Variants in LNX1 observed in about 807,000 individuals in gnomAD.
LNX1 encodes E3 ubiquitin-protein ligase LNX.
LNX1 carries 54 observed loss-of-function variants against 68.4 expected under a neutral mutation model. That is an observed-to-expected ratio of 0.79 (90% confidence interval 0.63 to 0.99). The LOEUF (loss-of-function observed/expected upper bound fraction) is 0.99. Among genes scored for constraint, LNX1 ranks in the 50% least tolerant of loss-of-function variants. The pLI is 0.00. For synonymous variants in LNX1, 336 were observed against 350.0 expected (o/e 0.96, Z 0.45); for missense variants, 906 against 926.4 (o/e 0.98, Z 0.29).
intron 9 of LNX1, among the ~76,000 whole-genome samples, chr4:53,467,268 G>A (rs1277928030): frequency 6.6e-6 from 1 of 152,176 alleles, no homozygotes; most frequent in African/African-American, 2.4e-5. Context: ...CAACAGACCT[G>A]CAGCTGAGGG....
chr4:53,574,142 G>C (rs1731342332), intron 1 of LNX1, 54 bp from the exon 2 acceptor site: 11 of 1,289,092 alleles, frequency 8.5e-6, no homozygotes, highest in Non-Finnish European at 8.3e-6. Context: ...AAAGGCTTAT[G>C]CTTATGGTAG....
intron 1 of LNX1, among the ~76,000 whole-genome samples, chr4:53,651,199 C>G (rs1249878715): frequency 6.6e-6 from 1 of 152,164 alleles, no homozygotes; most frequent in African/African-American, 2.4e-5. Context: ...CAAATTCCTC[C>G]TGGGGGACTT....
chr4:53,570,838 T>C (rs186433748), intron 2 of LNX1, among the ~76,000 whole-genome samples: 1 of 151,606 alleles, frequency 6.6e-6, no homozygotes, highest in East Asian at 2.0e-4. Context: ...CCATCCTGGC[T>C]AACACAGTGA....
rs1725267894 is a variant in LNX1, at chr4:53,498,860, G to A, written c.776-17C>T. ...TTGGAAAGACTGAAATGGACAAAGA[G>A]TGTTTATTTAAGACACCCACCCAAT... is the stretch of plus-strand genomic sequence containing the variant. On this transcript the variant is annotated splice_polypyrimidine_tract_variant and intron_variant, in intron 4 of 10. Coordinates refer to ENST00000263925, the MANE Select transcript of LNX1 (RefSeq NM_001126328.3). 6.3e-7 allele frequency: 1 copy of A among 1,598,606 alleles called. No individual in the cohort carries two copies. Among genetic ancestry groups the A allele is most frequent in the East Asian group, 2.2e-5 (1 of 44,800 alleles).
At chr4:53,645,126 C>G (rs1449394907) in intron 1 of LNX1, among the ~76,000 whole-genome samples, 3 of 152,146 alleles carry the variant, frequency 2.0e-5, no homozygotes, top group Non-Finnish European at 2.9e-5. Context: ...CTATTTTTGC[C>G]TGTGTTTTTC....
chr4:53,468,925 G>C (rs1722922056), intron 9 of LNX1, among the ~76,000 whole-genome samples: 1 of 152,168 alleles, frequency 6.6e-6, no homozygotes, highest in Non-Finnish European at 1.5e-5. Flanking sequence ...ACATTAGACA[G>C]ATCAACGACA....
intron 4 of LNX1, chr4:53,501,979 G>A (rs1579422091): frequency 6.6e-6 from 1 of 152,224 alleles, no homozygotes; most frequent in African/African-American, 2.4e-5. Context: ...GCTCCCAGGT[G>A]TGTTCACTAC....
At chr4:53,520,458 T>C (rs114656663) in intron 2 of LNX1, among the ~76,000 whole-genome samples, 445 of 152,304 alleles carry the variant, frequency 2.9e-3, no homozygotes, top group Middle Eastern at 6.8e-3. Context: ...GAATCGTTTG[T>C]TCATTCTGTG....
At chr4:53,519,438 G>GT (rs36120084) in intron 2 of LNX1, among the ~76,000 whole-genome samples, 3,413 of 128,540 alleles carry the variant, frequency 0.027, 116 homozygotes, top group African/African-American at 0.081. Context: ...TTTGTTCAGT[G>GT]TTTTTTTTTT....
At chr4:53,481,935 T>G (rs1320428111) in intron 6 of LNX1, 81 bp from the exon 7 acceptor site, 5 of 1,428,328 alleles carry the variant, frequency 3.5e-6, no homozygotes, top group Non-Finnish European at 4.7e-6. Flanking sequence ...AAAACATCAC[T>G]TTGATTATAC....
At chr4:53,614,057 C>T (rs1350137033) in intron 2 of LNX1, among the ~76,000 whole-genome samples, 2 of 152,190 alleles carry the variant, frequency 1.3e-5, no homozygotes, top group Non-Finnish European at 2.9e-5. Context: ...TTGCATTTCT[C>T]TAATGATCAG....
chr4:53,645,715 C>T (rs1414625889), intron 1 of LNX1, among the ~76,000 whole-genome samples: 2 of 152,154 alleles, frequency 1.3e-5, no homozygotes, highest in Non-Finnish European at 2.9e-5. Flanking sequence ...CTTGGCCTCT[C>T]ACATGACCAC....
At chr4:53,615,422 T>C (rs1394712409) in intron 2 of LNX1, among the ~76,000 whole-genome samples, 1 of 152,142 alleles carries the variant, frequency 6.6e-6, no homozygotes, top group East Asian at 1.9e-4. Context: ...ACCCTTGCCC[T>C]CTTGGAAGCT....
rs185437280 is a variant in LNX1, at chr4:53,632,568, C to T, written c.-215+19600G>A. On this transcript the variant is annotated intron_variant, in intron 1 of 2. Transcript: ENST00000507168. ...CTGGGGTGCAATTCATGTTCCCTGT[C>T]GGATCAGGCTAAAGCTAGGTAGTTG... is the stretch of plus-strand genomic sequence containing the variant. Among the ~76,000 whole-genome samples, 611 of 152,308 alleles carry T rather than the reference C, an allele frequency of 4.0e-3. 1 individual carries two copies. Among genetic ancestry groups the T allele is most frequent in the African/African-American group, 0.014 (575 of 41,562 alleles).
chr4:53,575,365 T>C (rs1232129129), intron 1 of LNX1, among the ~76,000 whole-genome samples: 1 of 152,212 alleles, frequency 6.6e-6, no homozygotes, highest in Non-Finnish European at 1.5e-5. Flanking sequence ...AATCAAGTTT[T>C]TCAACATGCT....
intron 9 of LNX1, among the ~76,000 whole-genome samples, chr4:53,462,212 A>C (rs1722204113): frequency 6.6e-6 from 1 of 152,098 alleles, no homozygotes; most frequent in African/African-American, 2.4e-5. Context: ...AGGAAACTGG[A>C]TAGGAAGTTA....
At chr4:53,465,749 T>C (rs1178636441) in intron 9 of LNX1, among the ~76,000 whole-genome samples, 1 of 152,226 alleles carries the variant, frequency 6.6e-6, no homozygotes, top group Non-Finnish European at 1.5e-5. Flanking sequence ...ATGAAAAATA[T>C]GTTGCTAGCT....
chr4:53,507,935 G>T (rs1234308347), intron 3 of LNX1, 51 bp downstream of exon 3: 1 of 1,588,350 alleles, frequency 6.3e-7, no homozygotes, highest in Non-Finnish European at 8.6e-7. Flanking sequence ...TCCACAGAGG[G>T]CAATCGCAAG....
At chr4:53,499,319 T>C (rs1214236394) in intron 4 of LNX1, among the ~76,000 whole-genome samples, 3 of 152,114 alleles carry the variant, frequency 2.0e-5, no homozygotes, top group South Asian at 2.1e-4. Context: ...CCACCATTCC[T>C]GGCAAATTTT....
Sources: allele counts gnomAD v4.1 joint callset (sites outside exome capture counted in the v4.1 genomes callset), GRCh38; gene constraint gnomAD v4.1.1; transcripts MANE v1.5; gene names NCBI Gene and HGNC (gene_info 2026-07-23, HGNC 2026-07-21).